The following ADAMTS9 variants were observed in gnomAD, a reference collection of about 807,000 sequenced individuals.
ADAMTS9 encodes the protein A disintegrin and metalloproteinase with thrombospondin motifs 9.
Under a neutral mutation model 257.1 loss-of-function variants are expected in ADAMTS9, and 107 were observed. The ratio of observed to expected loss-of-function variants is 0.42; its 90% CI spans 0.36 to 0.49. The LOEUF (loss-of-function observed/expected upper bound fraction) is 0.49, where lower values mean the gene tolerates loss of function less well. ADAMTS9 is among the 20% of genes least tolerant of loss of function. ADAMTS9 has a pLI of 0.03. For synonymous variants in ADAMTS9, 982 were observed against 880.9 expected, an observed-to-expected ratio of 1.11 and a Z score of -2.03; for missense variants, 2,353 against 2,469.1, an observed-to-expected ratio of 0.95 and a Z score of 1.00.
chr3:64,632,771 G>A (rs929351913), intron 14 of ADAMTS9, among the ~76,000 whole-genome samples: 1 of 151,704 alleles, frequency 6.6e-6, no homozygotes, highest in Non-Finnish European at 1.5e-5. Flanking sequence ...TGCCCTTAGG[G>A]GCTCTTTCAA....
At chr3:64,569,045 G>A (rs762365766) in intron 28 of ADAMTS9, 2 of 154,826 alleles carry the variant, frequency 1.3e-5, no homozygotes, top group African/African-American at 2.4e-5. Context: ...AAAAAGGCAC[G>A]TTAGAAACTG....
In ADAMTS9 at chr3:64,522,222, A is replaced by G; in HGVS notation, c.5757T>C (p.Cys1919=). ...TRVVGKCGGY[C]GKCTPSSGTG... The stretch of plus-strand genomic sequence containing the variant: ...TACCAGAGGATGGAGTGCATTTTCC[A>G]CAGTAACCACCGCATTTCCCTACGA... Residue 1919 remains cysteine (C), a synonymous_variant, in exon 39 of 40, where the codon TGT becomes TGC. Coordinates refer to ENST00000498707, the MANE Select transcript of ADAMTS9 (RefSeq NM_182920.2). 1 of 1,614,082 alleles carries G rather than the reference A, an allele frequency of 6.2e-7. No homozygotes were observed. Among genetic ancestry groups the G allele is most frequent in the Non-Finnish European group, 8.5e-7 (1 of 1,179,954 alleles).
At chr3:64,523,380 A>T (rs2106873163) in intron 38 of ADAMTS9, among the ~76,000 whole-genome samples, 1 of 152,278 alleles carries the variant, frequency 6.6e-6, no homozygotes, top group African/African-American at 2.4e-5. Context: ...AGACTCTATG[A>T]AGAGTCTAGT....
At chr3:64,572,422 A>C (rs1199695860) in intron 28 of ADAMTS9, among the ~76,000 whole-genome samples, 1 of 152,174 alleles carries the variant, frequency 6.6e-6, no homozygotes, top group Non-Finnish European at 1.5e-5. Context: ...AAGAAGTAGC[A>C]CTGGATATGG....
Position 64,539,189 on chromosome 3 carries a change from C to A in ADAMTS9, c.5613+14G>T, listed in dbSNP as rs2083089849. 6.2e-7 allele frequency: 1 copy of A among 1,605,998 alleles called. No individual in the cohort carries two copies. Among genetic ancestry groups the A allele is most frequent in the Admixed American group, 1.7e-5 (1 of 59,978 alleles). On this transcript the variant is annotated intron_variant, in intron 37 of 39. Coordinates refer to ENST00000498707, the MANE Select transcript of ADAMTS9 (RefSeq NM_182920.2). ...GGTGAATCCCTGGCAAGGGGGAAGG[C>A]ACCAAGGACATACCTGTGGGCACTT...
At chr3:64,575,083 G>C (rs1346287933) in intron 28 of ADAMTS9, among the ~76,000 whole-genome samples, 2 of 152,050 alleles carry the variant, frequency 1.3e-5, no homozygotes, top group African/African-American at 4.8e-5. Flanking sequence ...CATTTTTCAG[G>C]GTTTATTAAC....
chr3:64,601,502 C>T (rs774757876), intron 26 of ADAMTS9, among the ~76,000 whole-genome samples: 5 of 152,174 alleles, frequency 3.3e-5, no homozygotes, highest in Non-Finnish European at 5.9e-5. Context: ...TGACCTACTA[C>T]TACAAATTAC....
At chr3:64,647,020 A>C (rs1389365883) in intron 11 of ADAMTS9, among the ~76,000 whole-genome samples, 1 of 152,174 alleles carries the variant, frequency 6.6e-6, no homozygotes, top group Non-Finnish European at 1.5e-5. Context: ...CAATTCTATA[A>C]GGTAAAGCGG....
chr3:64,679,358 C>A (rs927408920), intron 3 of ADAMTS9, among the ~76,000 whole-genome samples: 4 of 152,130 alleles, frequency 2.6e-5, no homozygotes, highest in African/African-American at 9.7e-5. Flanking sequence ...CATGGGTCAT[C>A]ATTGTGGACT....
intron 31 of ADAMTS9, among the ~76,000 whole-genome samples, chr3:64,547,463 A>T (rs1198294577): frequency 6.7e-6 from 1 of 148,282 alleles, no homozygotes; most frequent in African/African-American, 2.5e-5. Flanking sequence ...TGGCTTTCCT[A>T]CCTGCCCTCC....
intron 28 of ADAMTS9, among the ~76,000 whole-genome samples, chr3:64,580,293 A>C (rs755121315): frequency 2.0e-5 from 3 of 152,138 alleles, no homozygotes; most frequent in Non-Finnish European, 4.4e-5. Flanking sequence ...TTTTTTAATA[A>C]GTTTTCTTTC....
In ADAMTS9 at chr3:64,541,911, C is replaced by A. The variant is rs148058341; in HGVS notation, c.5124G>T (p.Glu1708Asp). ...TGTGGCATAAGTGGCTGGGTTGGTC[C>A]TCATTGGTTAAACATTGCACAGATC... ...MQRSVQCLTN[E>D]DQPSHLCHTD... The change falls in exon 33 of 40, where the codon GAG becomes GAT. Residue 1708 changes from glutamate to aspartate, a missense_variant. Around this residue, in one of 3 missense-constraint regions of ADAMTS9, gnomAD observed 1,402 missense variants for 1,441.4 expected, o/e 0.97. Coordinates refer to ENST00000498707, the MANE Select transcript of ADAMTS9 (RefSeq NM_182920.2). The A allele has an allele frequency of 1.9e-6, 3 of 1,614,108 alleles. No individual in the cohort carries two copies. Among genetic ancestry groups the A allele is most frequent in the Non-Finnish European group, 2.5e-6 (3 of 1,180,014 alleles).
intron 37 of ADAMTS9, 101 bp from the exon 38 acceptor site, chr3:64,533,371 G>C: frequency 4.4e-6 from 4 of 908,090 alleles, no homozygotes; most frequent in Non-Finnish European, 7.1e-6. Flanking sequence ...GAAAAGAGAA[G>C]GATGTTGATT....
At chr3:64,630,477 T>G (rs577431084) in intron 16 of ADAMTS9, among the ~76,000 whole-genome samples, 12 of 152,316 alleles carry the variant, frequency 7.9e-5, no homozygotes, top group Middle Eastern at 6.8e-3. Flanking sequence ...CTACTCAGGC[T>G]GAGGTGGGAG....
intron 16 of ADAMTS9, among the ~76,000 whole-genome samples, chr3:64,626,782 T>C (rs892101222): frequency 7.2e-5 from 11 of 152,182 alleles, no homozygotes; most frequent in African/African-American, 2.7e-4. Context: ...GAATAAGTGA[T>C]TGATGGAGTC....
At chr3:64,670,884 C>T (rs1701469677) in intron 3 of ADAMTS9, among the ~76,000 whole-genome samples, 1 of 152,134 alleles carries the variant, frequency 6.6e-6, no homozygotes, top group Admixed American at 6.5e-5. Context: ...AAAATGTTGA[C>T]AATACCAAGT....
rs2082784480 is a variant in ADAMTS9 at position 64,517,140 on chromosome 3, A to C, written c.*6-19T>G. On this transcript the variant is annotated intron_variant, in intron 39 of 39. Transcript: ENST00000498707. Reference sequence around the variant, plus strand: ...AAAGCACCTGAAATAAACAAACCAGAAAATATAAACCTTCTGCCTCAAATG... The same window carrying C: ...AAAGCACCTGAAATAAACAAACCAGCAAATATAAACCTTCTGCCTCAAATG... 1 of 152,610 alleles carries C rather than the reference A, an allele frequency of 6.6e-6. No individual in the cohort carries two copies. Among genetic ancestry groups the C allele is most frequent in the Admixed American group, 6.5e-5 (1 of 15,272 alleles). The allele number at this position is 152,610 out of a possible 1,614,324, so 9.5% of individuals were successfully genotyped here. A position where few individuals can be genotyped will look rare whatever the true frequency, so the allele number is the denominator to read the frequency against.
intron 29 of ADAMTS9, among the ~76,000 whole-genome samples, chr3:64,562,446 A>C (rs944426603): frequency 6.6e-6 from 1 of 152,182 alleles, no homozygotes; most frequent in African/African-American, 2.4e-5. Flanking sequence ...TTGCTGACCA[A>C]CTTGCAAAAC....
intron 2 of ADAMTS9, among the ~76,000 whole-genome samples, chr3:64,682,397 A>T (rs1313752285): frequency 6.6e-6 from 1 of 152,212 alleles, no homozygotes; most frequent in Non-Finnish European, 1.5e-5. Flanking sequence ...CTTACTAATC[A>T]TTCTAAGCAC....
Sources: allele counts gnomAD v4.1 joint callset (sites outside exome capture counted in the v4.1 genomes callset), GRCh38; gene constraint gnomAD v4.1.1; regional missense constraint gnomAD v4.1.1; transcripts MANE v1.5; gene names NCBI Gene and HGNC (gene_info 2026-07-23, HGNC 2026-07-21).